SMIM10L3: variants seen among roughly 807,000 people sequenced by gnomAD.
SMIM10L3 encodes the protein small integral membrane protein 10 like 3.
chr7:6,334,838 G>C, the SMIM10L3 span, among the ~76,000 whole-genome samples: 19 of 149,284 alleles, frequency 1.3e-4, no homozygotes, highest in Middle Eastern at 3.7e-3. Context: ...GCACGATCTC[G>C]ACTCACTGCA....
the SMIM10L3 span, among the ~76,000 whole-genome samples, chr7:6,331,809 C>T: frequency 2.0e-5 from 3 of 148,142 alleles, no homozygotes; most frequent in Middle Eastern, 3.4e-3. Flanking sequence ...GGCACGATCT[C>T]GGCTCACTGC....
At chr7:6,337,096 GTCTC>G in the SMIM10L3 span, among the ~76,000 whole-genome samples, 426 of 148,212 alleles carry the variant, frequency 2.9e-3, 3 homozygotes, top group African/African-American at 9.9e-3. Context: ...TGAGACAAGA[GTCTC>G]TCTCTGTCTC....
At chr7:6,348,723 G>C in the SMIM10L3 span, 1 of 418,662 alleles carries the variant, frequency 2.4e-6, no homozygotes, top group Non-Finnish European at 4.2e-6. Flanking sequence ...CCGAGCGCGA[G>C]AGCCGGACAG....
chr7:6,333,898 G>T, the SMIM10L3 span, among the ~76,000 whole-genome samples: 2 of 141,300 alleles, frequency 1.4e-5, no homozygotes, highest in Non-Finnish European at 3.0e-5. Flanking sequence ...CCAGGCTGGA[G>T]TGCAGTGGCG....
At chr7:6,331,699 G>T in the SMIM10L3 span, among the ~76,000 whole-genome samples, 345 of 151,376 alleles carry the variant, frequency 2.3e-3, 1 homozygote, top group African/African-American at 8.0e-3. Flanking sequence ...ACATTTCGTG[G>T]GCTTAGTTCC....
At chr7:6,340,076 G>C in the SMIM10L3 span, among the ~76,000 whole-genome samples, 3 of 151,570 alleles carry the variant, frequency 2.0e-5, no homozygotes, top group Admixed American at 2.0e-4. Flanking sequence ...GTAGAGATGG[G>C]GTTTCTCCAT....
the SMIM10L3 span, chr7:6,331,173 C>T: frequency 4.7e-5 from 76 of 1,601,666 alleles, no homozygotes; most frequent in Non-Finnish European, 5.5e-5. Flanking sequence ...TTCTTGGATG[C>T]GGTGGGCCTG....
chr7:6,340,298 C>A, the SMIM10L3 span, among the ~76,000 whole-genome samples: 1 of 152,186 alleles, frequency 6.6e-6, no homozygotes, highest in African/African-American at 2.4e-5. Context: ...TCAGAATCAA[C>A]AGCAGCTACT....
At chr7:6,348,174 T>G in the SMIM10L3 span, among the ~76,000 whole-genome samples, 1 of 147,854 alleles carries the variant, frequency 6.8e-6, no homozygotes, top group Non-Finnish European at 1.5e-5. Context: ...CCTCCCAAAG[T>G]GCATTACAGG....
chr7:6,336,196 A>T, the SMIM10L3 span, among the ~76,000 whole-genome samples: 206 of 150,072 alleles, frequency 1.4e-3, 2 homozygotes, highest in Non-Finnish European at 2.3e-3. Context: ...AAATTAAAAG[A>T]TTAGCTGGGG....
the SMIM10L3 span, among the ~76,000 whole-genome samples, chr7:6,336,512 C>G: frequency 6.6e-6 from 1 of 152,022 alleles, no homozygotes; most frequent in Admixed American, 6.6e-5. Context: ...GAAACCCTAT[C>G]TCTACTAAAA....
chr7:6,336,360 G>C, the SMIM10L3 span, among the ~76,000 whole-genome samples: 4 of 150,724 alleles, frequency 2.7e-5, no homozygotes, highest in Admixed American at 2.6e-4. Flanking sequence ...AAAAAGAAAA[G>C]AAAAAACTGT....
chr7:6,341,551 G>A, the SMIM10L3 span, among the ~76,000 whole-genome samples: 1 of 149,788 alleles, frequency 6.7e-6, no homozygotes, highest in Non-Finnish European at 1.5e-5. Flanking sequence ...TTAGCCAGGT[G>A]TAGTGGTGGG....
the SMIM10L3 span, among the ~76,000 whole-genome samples, chr7:6,336,228 C>A: frequency 2.7e-4 from 41 of 151,342 alleles, no homozygotes; most frequent in African/African-American, 7.8e-4. Context: ...CACCTGTAGT[C>A]CCAGTCACTT....
the SMIM10L3 span, among the ~76,000 whole-genome samples, chr7:6,334,330 G>T: frequency 0.048 from 7,291 of 151,364 alleles, 596 homozygotes; most frequent in African/African-American, 0.17. Context: ...GAGGTCAGGA[G>T]TTCAAGACCA....
chr7:6,346,006 T>G, the SMIM10L3 span, among the ~76,000 whole-genome samples: 1 of 152,096 alleles, frequency 6.6e-6, no homozygotes, highest in Non-Finnish European at 1.5e-5. Flanking sequence ...TGACCTCAAG[T>G]GATCCGCCTG....
the SMIM10L3 span, among the ~76,000 whole-genome samples, chr7:6,337,752 GTAA>G: frequency 6.6e-6 from 1 of 151,532 alleles, no homozygotes; most frequent in East Asian, 1.9e-4. Flanking sequence ...TTAGTATTCA[GTAA>G]TAAACTATTT....
the SMIM10L3 span, among the ~76,000 whole-genome samples, chr7:6,346,096 G>C: frequency 6.6e-6 from 1 of 151,884 alleles, no homozygotes; most frequent in African/African-American, 2.4e-5. Flanking sequence ...AATCCGGATT[G>C]GAAATCTAAA....
chr7:6,346,235 AC>A, the SMIM10L3 span, among the ~76,000 whole-genome samples: 3 of 152,094 alleles, frequency 2.0e-5, no homozygotes, highest in Non-Finnish European at 4.4e-5. Flanking sequence ...ACACAGGAGC[AC>A]CCTTCACTCA....
Sources: gnomAD v4.1 joint callset for allele counts (sites outside exome capture counted in the v4.1 genomes callset) on GRCh38, gnomAD v4.1.1 for gene constraint, MANE v1.5 for transcripts, NCBI Gene and HGNC (gene_info 2026-07-23, HGNC 2026-07-21) for gene names.